Variants in EVI5 observed in about 807,000 individuals in gnomAD.
EVI5 encodes the protein ecotropic viral integration site 5, also known as ecotropic viral integration site 5 protein homolog.
Under a neutral mutation model 112.0 loss-of-function variants are expected in EVI5, and 73 were observed. That is an observed-to-expected ratio of 0.65 (90% CI 0.54 to 0.79). EVI5 has a LOEUF of 0.79. EVI5 is among the 30% of genes least tolerant of loss of function. The probability of loss-of-function intolerance (pLI) is 0.00; values close to 1 mark genes in which losing one functional copy is unlikely to be tolerated. For synonymous variants in EVI5, 305 were observed against 319.9 expected (o/e 0.95, Z 0.50); for missense variants, 900 against 968.8 (o/e 0.93, Z 0.94).
chr1:92,528,369 G>A (rs1662280517), intron 19 of EVI5, among the ~76,000 whole-genome samples: 1 of 152,200 alleles, frequency 6.6e-6, no homozygotes, highest in Non-Finnish European at 1.5e-5. Flanking sequence ...GCTTATGCCT[G>A]TTGTTACACA....
chr1:92,679,858 C>T (rs1667323549), intron 9 of EVI5, among the ~76,000 whole-genome samples: 1 of 152,130 alleles, frequency 6.6e-6, no homozygotes, highest in South Asian at 2.1e-4. Flanking sequence ...AGGAGGAAGA[C>T]CACAGACATA....
At chr1:92,707,222 C>A (rs1438149850) in intron 2 of EVI5, among the ~76,000 whole-genome samples, 1 of 150,304 alleles carries the variant, frequency 6.7e-6, no homozygotes, top group Non-Finnish European at 1.5e-5. Context: ...CTCTTCACAG[C>A]CTTTGGGGTA....
chr1:92,753,113 C>CAGATAA (rs1285794680), intron 1 of EVI5, among the ~76,000 whole-genome samples: 6 of 141,690 alleles, frequency 4.2e-5, no homozygotes, highest in Non-Finnish European at 9.2e-5. Context: ...AGGAAGAAGC[C>CAGATAA]AGATAAACAA....
intron 1 of EVI5, among the ~76,000 whole-genome samples, chr1:92,773,335 G>A (rs1683693036): frequency 6.6e-6 from 1 of 152,122 alleles, no homozygotes; most frequent in Admixed American, 6.6e-5. Context: ...ACAAGATCAC[G>A]GATGAATTTC....
intron 19 of EVI5, among the ~76,000 whole-genome samples, chr1:92,563,234 GC>G (rs1447350256): frequency 1.3e-5 from 2 of 152,082 alleles, no homozygotes; most frequent in African/African-American, 4.8e-5. Flanking sequence ...ACCATCATGA[GC>G]GGTAAAAGAA....
chr1:92,588,684 T>C (rs1401354294), intron 18 of EVI5, among the ~76,000 whole-genome samples: 1 of 152,236 alleles, frequency 6.6e-6, no homozygotes, highest in African/African-American at 2.4e-5. Flanking sequence ...TTTTGTTCAC[T>C]AATCCAGGTA....
chr1:92,523,455 T>C (rs1661303974), intron 19 of EVI5, among the ~76,000 whole-genome samples: 1 of 152,052 alleles, frequency 6.6e-6, no homozygotes, highest in South Asian at 2.1e-4. Flanking sequence ...TTAAAAAATA[T>C]ATTACATAAT....
intron 18 of EVI5, among the ~76,000 whole-genome samples, chr1:92,600,330 T>C (rs779748451): frequency 6.6e-6 from 1 of 152,186 alleles, no homozygotes; most frequent in Non-Finnish European, 1.5e-5. Context: ...ACTTCTTGAG[T>C]ACAGGCAATT....
In EVI5 at chr1:92,719,677, C is replaced by G. The variant is rs1479350748; in HGVS notation, c.150-14933G>C. On this transcript the variant is annotated intron_variant, in intron 2 of 19. Transcript: ENST00000684568. ...TCTCTCTCCACTCCTATTCAACATA[C>G]TGTTGGAAGTTCTCGCCAGGGTAAT... Among the ~76,000 whole-genome samples the G allele has an allele frequency of 1.1e-4, 16 of 151,928 alleles. 1 individual carries two copies.
rs1244923766 is a variant in EVI5 at position 92,665,972 on chromosome 1, T to C, written c.1179A>G (p.Arg393=). The stretch of plus-strand genomic sequence containing the variant: ...ATGTCTCGATGCGCTGTTTTAAAAG[T>C]CTATTTTCTGTGCGTAACCTCTGCC... ...VEIKRLRTEN[R]LLKQRIETLE... is the part of the protein sequence containing the mutation. Residue 393 remains arginine (R), a synonymous_variant, in exon 11 of 20, where the codon AGA becomes AGG. Transcript: ENST00000684568. 1 of 1,608,470 alleles carries C rather than the reference T, an allele frequency of 6.2e-7. No individual in the cohort carries two copies. Among genetic ancestry groups the C allele is most frequent in the Non-Finnish European group, 8.5e-7 (1 of 1,178,098 alleles).
chr1:92,594,337 T>C (rs1330212587), intron 18 of EVI5, among the ~76,000 whole-genome samples: 2 of 151,710 alleles, frequency 1.3e-5, no homozygotes, highest in East Asian at 3.9e-4. Context: ...GTTTAATAAA[T>C]GGTGCTGGGA....
chr1:92,639,873 A>T (rs563702954), intron 13 of EVI5, among the ~76,000 whole-genome samples: 36 of 152,346 alleles, frequency 2.4e-4, no homozygotes, highest in African/African-American at 7.9e-4. Context: ...AAACTATACT[A>T]CAAGGCTACA....
rs1308923045 is a variant in EVI5, at chr1:92,784,922, C to G, written c.-168G>C. 3 of 986,348 alleles carry G rather than the reference C, an allele frequency of 3.0e-6. No individual in the cohort carries two copies. The highest frequency in any genetic ancestry group is 3.6e-6 in the Non-Finnish European group (3 of 830,848). 61.1% of individuals were successfully genotyped at this position (986,348 alleles called of 1,614,324 possible). ...CCGCCGCGTCTCAGCGCCTCGGCCC[C>G]GCTCCTGGCTCCACGGGTCGCCCGT... On this transcript the variant is annotated 5_prime_UTR_variant, in exon 1 of 20. Transcript: ENST00000684568.
At position 92,614,364 on chromosome 1, in the gene EVI5, TACATATGGC is replaced by T. The variant is rs546163643; in HGVS notation, c.1828-6646_1828-6638del. 2.0e-4 allele frequency among the ~76,000 whole-genome samples: 30 copies of T among 152,270 alleles called. 1 individual carries two copies. The highest frequency in any genetic ancestry group is 7.2e-4 in the African/African-American group (30 of 41,538). ...ACAAAGCAATCAACAGAACCAGCAT[TACATATGGC>T]ACAGATGTTAAAAATATCTGTGATG... On this transcript the variant is annotated intron_variant, in intron 16 of 19. Transcript: ENST00000684568.
intron 14 of EVI5, among the ~76,000 whole-genome samples, chr1:92,634,303 C>A (rs938062873): frequency 2.0e-5 from 3 of 152,226 alleles, no homozygotes; most frequent in Admixed American, 6.5e-5. Context: ...CTCCCCGTCA[C>A]TTTCAGGTAC....
intron 18 of EVI5, among the ~76,000 whole-genome samples, chr1:92,593,339 T>C (rs533115032): frequency 6.6e-6 from 1 of 152,320 alleles, no homozygotes; most frequent in African/African-American, 2.4e-5. Context: ...TCTCATAAGA[T>C]GCAGAAAAGG....
chr1:92,566,109 C>T (rs964740210), intron 18 of EVI5, among the ~76,000 whole-genome samples: 3 of 152,038 alleles, frequency 2.0e-5, no homozygotes, highest in Non-Finnish European at 4.4e-5. Context: ...CTCCTTTCAT[C>T]GACTTATTCC....
At chr1:92,710,547 C>T (rs973578017) in intron 2 of EVI5, among the ~76,000 whole-genome samples, 1 of 152,206 alleles carries the variant, frequency 6.6e-6, no homozygotes, top group African/African-American at 2.4e-5. Context: ...TAATATTCCA[C>T]TTTTATACAG....
chr1:92,761,202 T>C lies in EVI5; in HGVS notation c.-82+23634A>G, dbSNP rs186544410. Reference sequence around the variant, plus strand: ...GTACCTCAAGTTTCATAGTAAGTTTTATAGAAACCATACACTAGGGGAAAT... The same window carrying C: ...GTACCTCAAGTTTCATAGTAAGTTTCATAGAAACCATACACTAGGGGAAAT... On this transcript the variant is annotated intron_variant, in intron 1 of 19. Coordinates refer to ENST00000684568, the MANE Select transcript of EVI5 (RefSeq NM_001350197.2). Among the ~76,000 whole-genome samples, 4 of 152,292 alleles carry C rather than the reference T, an allele frequency of 2.6e-5. No individual in the cohort carries two copies. In the East Asian group the frequency reaches 5.8e-4, roughly 22 times the overall value.
Sources: allele counts gnomAD v4.1 joint callset (sites outside exome capture counted in the v4.1 genomes callset), GRCh38; gene constraint gnomAD v4.1.1; transcripts MANE v1.5; gene names NCBI Gene and HGNC (gene_info 2026-07-23, HGNC 2026-07-21).